TBC1D2B: variants seen among roughly 807,000 people sequenced by gnomAD.
TBC1D2B encodes TBC1 domain family, member 2B.
A neutral mutation model predicts 100.8 loss-of-function variants in TBC1D2B; 64 were observed. The ratio of observed to expected loss-of-function variants is 0.64; its 90% CI spans 0.52 to 0.78. The LOEUF is 0.78. TBC1D2B is among the 30% of genes least tolerant of loss of function. TBC1D2B has a pLI of 0.00. For synonymous variants in TBC1D2B, 480 were observed against 479.7 expected (o/e 1.00, Z -0.01); for missense variants, 1,052 against 1,218.4 (o/e 0.86, Z 2.03).
intron 3 of TBC1D2B, chr15:78,034,857 A>G: frequency 2.4e-6 from 1 of 415,662 alleles, no homozygotes; most frequent in Non-Finnish European, 3.2e-6. Flanking sequence ...GGACTGTGCA[A>G]CAAGGGGGTC....
chr15:78,047,555 T>G (rs1302558249), intron 2 of TBC1D2B, among the ~76,000 whole-genome samples: 1 of 152,190 alleles, frequency 6.6e-6, no homozygotes. Context: ...AGCTTCATCC[T>G]CAGCAGTTCC....
chr15:78,001,875 T>A, intron 11 of TBC1D2B, 135 bp from the exon 12 acceptor site: 2 of 1,012,332 alleles, frequency 2.0e-6, no homozygotes, highest in Non-Finnish European at 2.8e-6. Context: ...GGGGAAAGAC[T>A]ATTGACCTGA....
intron 1 of TBC1D2B, among the ~76,000 whole-genome samples, chr15:78,064,752 A>G (rs959297690): frequency 3.5e-4 from 11 of 31,204 alleles, no homozygotes; most frequent in East Asian, 5.2e-3. Context: ...CCCAGCACCA[A>G]TGGAAAAAAA....
intron 1 of TBC1D2B, chr15:78,065,983 C>T: frequency 2.1e-6 from 1 of 470,732 alleles, no homozygotes; most frequent in South Asian, 1.5e-5. Flanking sequence ...CATTGTTACC[C>T]ACTTCTCTCT....
Position 78,017,960 on chromosome 15 carries a change from GT to G in TBC1D2B, c.1471-4del. 1 of 1,489,594 alleles carries G rather than the reference GT, an allele frequency of 6.7e-7. No individual in the cohort carries two copies. Among genetic ancestry groups the G allele is most frequent in the Non-Finnish European group, 9.1e-7 (1 of 1,095,200 alleles). The allele number at this position is 1,489,594 out of a possible 1,614,324, so 92.3% of individuals were successfully genotyped here. On this transcript the variant is annotated splice_region_variant and splice_polypyrimidine_tract_variant and intron_variant, in intron 6 of 12. Transcript: ENST00000300584. ...GTTTTGTACCCCTGTAGATTATCCT[GT>G]TAGAAAAAAAAAAAATCCCTGAATT... is the stretch of plus-strand genomic sequence containing the variant.
intron 7 of TBC1D2B, among the ~76,000 whole-genome samples, chr15:78,017,466 A>C (rs2072406654): frequency 6.6e-6 from 1 of 152,240 alleles, no homozygotes; most frequent in Non-Finnish European, 1.5e-5. Context: ...AATTTAGGTG[A>C]CCTTATAATT....
rs2073774882 is a variant in TBC1D2B, at chr15:78,073,658, A to C, written c.360+3635T>G. Among the ~76,000 whole-genome samples the C allele has an allele frequency of 2.6e-5, 4 of 152,304 alleles. No homozygotes were observed. The South Asian group carries it at 6.2e-4, about 24-fold the overall frequency. ...TACAGCTCAAAAGAAATAACTGTAC[A>C]ATGAAATTTAATTTTCTTAAAACAC... On this transcript the variant is annotated intron_variant, in intron 1 of 12. Coordinates refer to ENST00000300584, the MANE Select transcript of TBC1D2B (RefSeq NM_144572.2).
intron 3 of TBC1D2B, among the ~76,000 whole-genome samples, chr15:78,037,625 G>C (rs183326242): frequency 7.0e-6 from 1 of 142,368 alleles, no homozygotes; most frequent in Non-Finnish European, 1.5e-5. Flanking sequence ...GGGAGAGGAA[G>C]ATGCAGCAGG....
At position 78,031,526 on chromosome 15, in the gene TBC1D2B, C is replaced by G. The variant is rs142911533; in HGVS notation, c.684-1356G>C. On this transcript the variant is annotated intron_variant, in intron 3 of 12. Coordinates refer to ENST00000300584, the MANE Select transcript of TBC1D2B (RefSeq NM_144572.2). The stretch of plus-strand genomic sequence containing the variant: ...AAGAGATCACCCCACTGCACTCCAG[C>G]CTGGGCGATAGAGCAAGACTCTGTC... Among the ~76,000 whole-genome samples, 414 of 114,930 alleles carry G rather than the reference C, an allele frequency of 3.6e-3. 4 individuals are homozygous for G. The highest frequency in any genetic ancestry group is 0.013 in the African/African-American group (392 of 31,304). The allele number at this position is 114,930 out of a possible 152,430, so 75.4% of individuals were successfully genotyped here.
At chr15:78,055,909 G>A (rs528350643) in intron 1 of TBC1D2B, among the ~76,000 whole-genome samples, 55 of 152,172 alleles carry the variant, frequency 3.6e-4, no homozygotes, top group Non-Finnish European at 6.5e-4. Context: ...GGCGACGCGG[G>A]GCTGGCGTGA....
At chr15:78,002,915 C>G (rs965171094) in intron 11 of TBC1D2B, 1 of 193,672 alleles carries the variant, frequency 5.2e-6, no homozygotes. Context: ...GGCAGTAAGG[C>G]TCTGAAGTTG....
intron 9 of TBC1D2B, among the ~76,000 whole-genome samples, chr15:78,012,218 T>C (rs980424918): frequency 2.6e-5 from 4 of 152,218 alleles, no homozygotes; most frequent in Admixed American, 2.6e-4. Context: ...GGAAGAGCTT[T>C]GTGGGGAGCA....
Position 78,027,105 on chromosome 15 carries a change from T to C in TBC1D2B, c.848-1608A>G, listed in dbSNP as rs186065471. On this transcript the variant is annotated intron_variant, in intron 4 of 12. Transcript: ENST00000300584. ...CTAAATAAATTTTAGTGTAGATAGA[T>C]TGAAATATATATACTCACATTATAA... Among the ~76,000 whole-genome samples the C allele has an allele frequency of 4.6e-3, 695 of 151,956 alleles. 2 individuals are homozygous for C. The highest frequency in any genetic ancestry group is 4.8e-3 in the Non-Finnish European group (323 of 67,968).
chr15:78,067,146 AAGG>A (rs1192323645), intron 1 of TBC1D2B, among the ~76,000 whole-genome samples: 5 of 152,208 alleles, frequency 3.3e-5, no homozygotes, highest in African/African-American at 1.2e-4. Context: ...GTGTTTGGAG[AAGG>A]AGAAGGTTTC....
intron 2 of TBC1D2B, among the ~76,000 whole-genome samples, chr15:78,051,429 T>TA (rs1171656083): frequency 1.3e-5 from 2 of 152,170 alleles, no homozygotes; most frequent in African/African-American, 4.8e-5. Context: ...GTGACTTACT[T>TA]AGAGTCTGAC....
At chr15:78,013,395 C>G (rs1405965196) in intron 8 of TBC1D2B, 78 bp from the exon 9 acceptor site, 2 of 1,359,188 alleles carry the variant, frequency 1.5e-6, no homozygotes, top group East Asian at 5.0e-5. Flanking sequence ...AATAGAGAGT[C>G]TAGAAACCAA....
chr15:78,060,700 T>C (rs2073525722), intron 1 of TBC1D2B, among the ~76,000 whole-genome samples: 4 of 152,086 alleles, frequency 2.6e-5, no homozygotes, highest in Admixed American at 6.5e-5. Flanking sequence ...GCAGATCACC[T>C]GAAGTCAGAA....
chr15:78,064,990 T>G (rs2073628412), intron 1 of TBC1D2B, among the ~76,000 whole-genome samples: 1 of 152,202 alleles, frequency 6.6e-6, no homozygotes, highest in Admixed American at 6.5e-5. Flanking sequence ...CTTATTAAAA[T>G]AGTTCTAATC....
At chr15:78,072,504 T>C (rs1453178511) in intron 1 of TBC1D2B, among the ~76,000 whole-genome samples, 1 of 152,102 alleles carries the variant, frequency 6.6e-6, no homozygotes, top group Non-Finnish European at 1.5e-5. Context: ...CTGAAAACAA[T>C]ATGATTACCC....
Sources: gnomAD v4.1 joint callset for allele counts (sites outside exome capture counted in the v4.1 genomes callset) on GRCh38, gnomAD v4.1.1 for gene constraint, MANE v1.5 for transcripts, NCBI Gene and HGNC (gene_info 2026-07-23, HGNC 2026-07-21) for gene names.